The following GALNT5 variants were observed in gnomAD, a reference collection of about 807,000 sequenced individuals.
The protein encoded by GALNT5 is UDP-GalNAc:polypeptide N-acetylgalactosaminyltransferase 5.
GALNT5 carries 72 observed loss-of-function variants against 85.4 expected under a neutral mutation model. The observed-to-expected ratio is 0.84, with a 90% CI of 0.70 to 1.03. The LOEUF (loss-of-function observed/expected upper bound fraction) is 1.03, where lower values mean the gene tolerates loss of function less well. Ranked by LOEUF, GALNT5 falls within the 50% of genes least tolerant of loss-of-function variation. GALNT5 has a pLI of 0.00. For missense variants in GALNT5, 1,137 were observed against 1,135.5 expected (o/e 1.00, Z -0.02); for synonymous variants, 404 against 397.0 (o/e 1.02, Z -0.21).
chr2:157,311,520 C>A lies in GALNT5; in HGVS notation c.*172C>A. On this transcript the variant is annotated 3_prime_UTR_variant, in exon 10 of 10. Coordinates refer to ENST00000259056, the MANE Select transcript of GALNT5 (RefSeq NM_014568.3). ...AATACCAAAAGATGACTCAGGAAAA[C>A]AGTCCAACATTGGACTGAAGTCCTT... The A allele has an allele frequency of 1.9e-6, 1 of 540,078 alleles. No homozygotes were observed. Among genetic ancestry groups the A allele is most frequent in the Non-Finnish European group, 3.2e-6 (1 of 316,530 alleles). The allele number at this position is 540,078 out of a possible 1,614,324, so 33.5% of individuals were successfully genotyped here. A position where few individuals can be genotyped will look rare whatever the true frequency, so the allele number is the denominator to read the frequency against.
chr2:157,261,964 T>C (rs550298573), intron 1 of GALNT5, among the ~76,000 whole-genome samples: 11 of 152,014 alleles, frequency 7.2e-5, no homozygotes, highest in Middle Eastern at 3.4e-3. Context: ...TGTTATAAAA[T>C]AGAATAAGAA....
Position 157,259,492 on chromosome 2 carries a change from T to C in GALNT5, c.1410T>C (p.Asp470=), listed in dbSNP as rs569109476. Residue 470 remains aspartate, a synonymous_variant, in exon 1 of 10, where the codon GAT becomes GAC. Transcript: ENST00000259056. ...GAAACTTCAATGTCTACCTTAGCGATTTGATCCCAGTGGATAGAGCCATTG... is the reference window on the plus strand; with the variant it reads ...GAAACTTCAATGTCTACCTTAGCGACTTGATCCCAGTGGATAGAGCCATTG... ...KEGNFNVYLS[D]LIPVDRAIED... 13 of 1,433,716 alleles carry C rather than the reference T, an allele frequency of 9.1e-6. No homozygotes were observed. The South Asian group carries it at 2.4e-4, about 27-fold the overall frequency. 88.8% of individuals were successfully genotyped at this position (1,433,716 alleles called of 1,614,324 possible).
chr2:157,302,359 T>C (rs1040835420), intron 7 of GALNT5: 2 of 152,190 alleles, frequency 1.3e-5, no homozygotes, highest in Non-Finnish European at 2.9e-5. Flanking sequence ...TTCTGTTTTT[T>C]ACAAAATTCA....
At chr2:157,309,621 G>A (rs1683526119) in intron 9 of GALNT5, among the ~76,000 whole-genome samples, 1 of 152,024 alleles carries the variant, frequency 6.6e-6, no homozygotes, top group South Asian at 2.1e-4. Flanking sequence ...GTTTGTCCTG[G>A]GCTATCCCCA....
At chr2:157,272,239 G>A (rs1160637966) in intron 1 of GALNT5, among the ~76,000 whole-genome samples, 2 of 152,158 alleles carry the variant, frequency 1.3e-5, no homozygotes, top group East Asian at 3.9e-4. Flanking sequence ...CTACTCAACA[G>A]AGGAAGGGAG....
In GALNT5 at chr2:157,284,444, CA is replaced by C; in HGVS notation, c.1620del (p.Asp541ThrfsTer3). 1 of 1,612,922 alleles carries C rather than the reference CA, an allele frequency of 6.2e-7. No individual in the cohort carries two copies. The highest frequency in any genetic ancestry group is 8.5e-7 in the Non-Finnish European group (1 of 1,179,184). On this transcript the variant is annotated frameshift_variant, in exon 2 of 10. Transcript: ENST00000259056. LOFTEE classifies it high-confidence loss of function. ...TTCTGCTGGTAGATGACTTCAGCAC[CA>C]AAGGTAAGAAAACCACTCAGGCTAT... ...EILLVDDFSTKDYLKDNLDKY... is the reference protein window; with the variant it reads ...EILLVDDFSTXDYLKDNLDKY...
Position 157,259,286 on chromosome 2 carries a change from T to A in GALNT5, c.1204T>A (p.Ser402Thr), listed in dbSNP as rs1221006342. 12 of 1,609,812 alleles carry A rather than the reference T, an allele frequency of 7.5e-6. No individual in the cohort carries two copies. The highest frequency in any genetic ancestry group is 9.3e-6 in the Non-Finnish European group (11 of 1,178,358). ...AATCAACATAACTGCCAAAGCCCCC[T>A]CTACAGAATACAACCAGAGTCATAT... ...AKINITAKAP[S>T]TEYNQSHIKA... The change falls in exon 1 of 10, where the codon TCT becomes ACT. Residue 402 changes from serine (S) to threonine (T), a missense_variant. By Grantham distance (58) the Ser-to-Thr change is moderately conservative (BLOSUM62 1). Transcript: ENST00000259056.
chr2:157,287,876 T>C (rs1683013041), intron 3 of GALNT5, among the ~76,000 whole-genome samples: 1 of 152,228 alleles, frequency 6.6e-6, no homozygotes, highest in Non-Finnish European at 1.5e-5. Flanking sequence ...ACTTTGTGTA[T>C]TAACTGATTG....
chr2:157,301,011 T>A lies in GALNT5; in HGVS notation c.2439+12T>A. On this transcript the variant is annotated intron_variant, in intron 7 of 9. Coordinates refer to ENST00000259056, the MANE Select transcript of GALNT5 (RefSeq NM_014568.3). ...GAGCTAGTGGTGTGGTAAGTTCAAG[T>A]GGCAATTTAAAATCTTACTCCATAA... The A allele has an allele frequency of 1.3e-6, 2 of 1,587,052 alleles. No homozygotes were observed. Among genetic ancestry groups the A allele is most frequent in the Non-Finnish European group, 1.7e-6 (2 of 1,161,748 alleles).
rs1258969872 is a variant in GALNT5 at position 157,315,013 on chromosome 2, G to A, written c.*3665G>A. On this transcript the variant is annotated 3_prime_UTR_variant, in exon 10 of 10. Transcript: ENST00000259056. ...GAATTGCTTGTACCCGGGAGGTGGA[G>A]GTTGCAGTGAGCTGAAATTGCGCCA... 6.6e-6 allele frequency among the ~76,000 whole-genome samples: 1 copy of A among 152,110 alleles called. No individual in the cohort carries two copies. The highest frequency in any genetic ancestry group is 1.5e-5 in the Non-Finnish European group (1 of 68,018).
In GALNT5 at chr2:157,318,473, T is replaced by A. The variant is rs1423153763; in HGVS notation, c.*7125T>A. Among the ~76,000 whole-genome samples the A allele has an allele frequency of 6.6e-6, 1 of 152,158 alleles. No individual in the cohort carries two copies. Among genetic ancestry groups the A allele is most frequent in the South Asian group, 2.1e-4 (1 of 4,834 alleles). On this transcript the variant is annotated 3_prime_UTR_variant, in exon 10 of 10. Coordinates refer to ENST00000259056, the MANE Select transcript of GALNT5 (RefSeq NM_014568.3). ...CATTTTAAGACCTTTTTGAAATAAA[T>A]AATGCAAATGAACTAAAATAAAGTG... is the stretch of plus-strand genomic sequence containing the variant.
rs1683513397 is a variant in GALNT5, at chr2:157,308,959, C to T, written c.2682+231C>T. 2.0e-5 allele frequency among the ~76,000 whole-genome samples: 3 copies of T among 151,974 alleles called. No individual in the cohort carries two copies. In the South Asian group the frequency reaches 6.2e-4, roughly 32 times the overall value. On this transcript the variant is annotated intron_variant, in intron 9 of 9. Transcript: ENST00000259056. The stretch of plus-strand genomic sequence containing the variant: ...AATGAGTTATTTTAAATAGAAATCA[C>T]CAAGTTCTTCTAGTTGCATTGCTAT...
intron 4 of GALNT5, among the ~76,000 whole-genome samples, chr2:157,296,191 T>A: frequency 6.6e-6 from 1 of 152,222 alleles, no homozygotes; most frequent in East Asian, 1.9e-4. Flanking sequence ...TATAAAAGTA[T>A]AAGTTAAGCA....
chr2:157,287,215 A>C (rs1227240885), intron 3 of GALNT5, among the ~76,000 whole-genome samples: 1 of 152,108 alleles, frequency 6.6e-6, no homozygotes, highest in Non-Finnish European at 1.5e-5. Flanking sequence ...TGATCCATGA[A>C]AATATTCTGT....
At chr2:157,267,594 C>T (rs1345618814) in intron 1 of GALNT5, among the ~76,000 whole-genome samples, 4 of 152,176 alleles carry the variant, frequency 2.6e-5, no homozygotes, top group Non-Finnish European at 4.4e-5. Context: ...ACTATTTCTG[C>T]CACATCACAC....
At chr2:157,287,718 A>T (rs1683011156) in intron 3 of GALNT5, among the ~76,000 whole-genome samples, 1 of 152,124 alleles carries the variant, frequency 6.6e-6, no homozygotes, top group South Asian at 2.1e-4. Context: ...TTTAGTGTGC[A>T]GGTGTTGGTG....
In GALNT5 at chr2:157,259,391, G is replaced by T; in HGVS notation, c.1309G>T (p.Ala437Ser). 6.7e-7 allele frequency: 1 copy of T among 1,502,488 alleles called. No homozygotes were observed. The highest frequency in any genetic ancestry group is 8.9e-7 in the Non-Finnish European group (1 of 1,123,864). The allele number at this position is 1,502,488 out of a possible 1,614,324, so 93.1% of individuals were successfully genotyped here. ...GACACTTTCTCCAAGGGACCCCAAA[G>T]CTCCAGGGCAGTTTGGGCGTCCTGT... is the stretch of plus-strand genomic sequence containing the variant. Reference protein sequence around the residue: ...DVTLSPRDPKAPGQFGRPVVV... With the variant: ...DVTLSPRDPKSPGQFGRPVVV... Residue 437 changes from alanine to serine, a missense_variant, in exon 1 of 10, where the codon GCT becomes TCT. Physicochemically the swap from Ala to Ser is moderately conservative, Grantham distance 99. Coordinates refer to ENST00000259056, the MANE Select transcript of GALNT5 (RefSeq NM_014568.3).
Position 157,315,471 on chromosome 2 carries a change from A to G in GALNT5, c.*4123A>G, listed in dbSNP as rs976613214. 1.3e-5 allele frequency among the ~76,000 whole-genome samples: 2 copies of G among 152,218 alleles called. No individual in the cohort carries two copies. Among genetic ancestry groups the G allele is most frequent in the Non-Finnish European group, 2.9e-5 (2 of 68,040 alleles). On this transcript the variant is annotated 3_prime_UTR_variant, in exon 10 of 10. Coordinates refer to ENST00000259056, the MANE Select transcript of GALNT5 (RefSeq NM_014568.3). ...CTGTCATCTCAGGTGGGTGCATTTA[A>G]AAGTTTCTTGGTCTCAGATTACTGA... is the stretch of plus-strand genomic sequence containing the variant.
At chr2:157,301,294 C>T (rs1211707568) in intron 7 of GALNT5, among the ~76,000 whole-genome samples, 1 of 152,120 alleles carries the variant, frequency 6.6e-6, no homozygotes, top group Non-Finnish European at 1.5e-5. Context: ...CCTTGTGGAG[C>T]TTAATTTGGG....
Sources: gnomAD v4.1 joint callset for allele counts (sites outside exome capture counted in the v4.1 genomes callset) on GRCh38, gnomAD v4.1.1 for gene constraint, MANE v1.5 for transcripts, NCBI Gene and HGNC (gene_info 2026-07-23, HGNC 2026-07-21) for gene names.